The following TRPC3 variants were observed in gnomAD, a reference collection of about 807,000 sequenced individuals.
TRPC3 encodes the protein short transient receptor potential channel 3.
Under a neutral mutation model 90.9 loss-of-function variants are expected in TRPC3, and 54 were observed. The observed-to-expected ratio is 0.59, with a 90% CI of 0.48 to 0.75. The LOEUF (loss-of-function observed/expected upper bound fraction) is 0.75, where lower values mean the gene tolerates loss of function less well. Among genes scored for constraint, TRPC3 ranks in the 30% least tolerant of loss-of-function variants. The pLI is 0.00. For synonymous variants in TRPC3, 424 were observed against 450.9 expected, an observed-to-expected ratio of 0.94 and a Z score of 0.75; for missense variants, 918 against 1,194.5, an observed-to-expected ratio of 0.77 and a Z score of 3.41.
chr4:121,897,755 AG>A, intron 10 of TRPC3, among the ~76,000 whole-genome samples: 1 of 152,272 alleles, frequency 6.6e-6, no homozygotes, highest in Non-Finnish European at 1.5e-5. Flanking sequence ...GGATTTTCCA[AG>A]AACTACAAAT....
intron 1 of TRPC3, among the ~76,000 whole-genome samples, chr4:121,944,497 AAG>A (rs1469261249): frequency 6.6e-6 from 1 of 152,114 alleles, no homozygotes; most frequent in Non-Finnish European, 1.5e-5. Flanking sequence ...CTTTAAGAGA[AAG>A]AGAGAGGGAC....
chr4:121,893,526 G>A (rs1446516600), intron 10 of TRPC3, among the ~76,000 whole-genome samples: 1 of 152,060 alleles, frequency 6.6e-6, no homozygotes, highest in Non-Finnish European at 1.5e-5. Flanking sequence ...TATTTTCAGA[G>A]TCCAAAGAAG....
intron 10 of TRPC3, among the ~76,000 whole-genome samples, chr4:121,896,524 C>A (rs1489613262): frequency 6.6e-6 from 1 of 151,830 alleles, no homozygotes; most frequent in Non-Finnish European, 1.5e-5. Context: ...GAACAACAAA[C>A]TACTTGAAAA....
At chr4:121,892,125 TA>T (rs1399599746) in intron 10 of TRPC3, among the ~76,000 whole-genome samples, 18 of 152,342 alleles carry the variant, frequency 1.2e-4, no homozygotes, top group Non-Finnish European at 2.5e-4. Context: ...AAAACACGGA[TA>T]TTGATTTTCT....
intron 2 of TRPC3, among the ~76,000 whole-genome samples, chr4:121,926,577 T>C (rs143848106): frequency 0.035 from 5,271 of 152,124 alleles, 307 homozygotes; most frequent in African/African-American, 0.12. Context: ...CGGCTATCTT[T>C]TGTATTTTCA....
chr4:121,943,223 G>A (rs1730380592), intron 1 of TRPC3, among the ~76,000 whole-genome samples: 1 of 152,082 alleles, frequency 6.6e-6, no homozygotes, highest in Non-Finnish European at 1.5e-5. Flanking sequence ...AGTCACATAT[G>A]GTTATGTGTG....
rs749135592 is a variant in TRPC3 at position 121,899,704 on chromosome 4, A to G, written c.2464-9T>C. The G allele has an allele frequency of 1.3e-6, 2 of 1,589,646 alleles. No homozygotes were observed. The highest frequency in any genetic ancestry group is 1.7e-6 in the Non-Finnish European group (2 of 1,158,728). ...TGAGTGAAGAGGTTTAACTAGGAAA[A>G]AATACAATTAACCTAGTAAATTAGA... is the stretch of plus-strand genomic sequence containing the variant. On this transcript the variant is annotated splice_polypyrimidine_tract_variant and intron_variant, in intron 9 of 11. Transcript: ENST00000379645.
chr4:121,891,685 G>C (rs1401718632), intron 10 of TRPC3, among the ~76,000 whole-genome samples: 2 of 152,074 alleles, frequency 1.3e-5, no homozygotes, highest in Non-Finnish European at 2.9e-5. Flanking sequence ...ATTACCACTG[G>C]GGACAGAAAG....
chr4:121,932,355 T>C lies in TRPC3; in HGVS notation c.903A>G (p.Ser301=). 3.1e-6 allele frequency: 5 copies of C among 1,614,066 alleles called. 1 individual carries two copies. In the South Asian group the frequency reaches 4.4e-5, roughly 14 times the overall value. Residue 301 remains serine (S), a synonymous_variant, in exon 2 of 12, where the codon TCA becomes TCG. Coordinates refer to ENST00000379645, the MANE Select transcript of TRPC3 (RefSeq NM_001130698.2). This position sits in a 1 kb window ranked among gnomAD's most constrained non-coding sequence, Gnocchi z 7.7. Reference sequence around the variant, plus strand: ...TAAGCACCGGGTCCTCGCTGGACAATGAGAGGTAAGCCGGGCTGGCCAGCC... The same window carrying C: ...TAAGCACCGGGTCCTCGCTGGACAACGAGAGGTAAGCCGGGCTGGCCAGCC... ...YKGLASPAYL[S]LSSEDPVLTA...
chr4:121,927,191 C>T (rs1382196950), intron 2 of TRPC3, among the ~76,000 whole-genome samples: 1 of 152,176 alleles, frequency 6.6e-6, no homozygotes, highest in African/African-American at 2.4e-5. Context: ...TAACACATTG[C>T]TAAAAATAAT....
intron 10 of TRPC3, among the ~76,000 whole-genome samples, chr4:121,896,373 G>A (rs760346630): frequency 6.6e-6 from 1 of 152,070 alleles, no homozygotes; most frequent in Non-Finnish European, 1.5e-5. Flanking sequence ...AAGTCAAATT[G>A]TCCCTGTTTG....
chr4:121,920,528 A>C (rs991776077), intron 3 of TRPC3, among the ~76,000 whole-genome samples: 1 of 152,166 alleles, frequency 6.6e-6, no homozygotes, highest in African/African-American at 2.4e-5. Context: ...CATTTCAAAA[A>C]AAAGAAAAAA....
chr4:121,941,484 C>T (rs548157510), intron 1 of TRPC3, among the ~76,000 whole-genome samples: 3 of 152,172 alleles, frequency 2.0e-5, no homozygotes, highest in African/African-American at 7.2e-5. Context: ...GAGAAAAGCA[C>T]AGAAGTGGGG....
intron 3 of TRPC3, among the ~76,000 whole-genome samples, chr4:121,916,727 T>TC (rs1729331267): frequency 6.6e-6 from 1 of 152,022 alleles, no homozygotes; most frequent in African/African-American, 2.4e-5. Flanking sequence ...AATTTTTTTT[T>TC]TTTGAGATGG....
chr4:121,926,261 TTGTTCCGGGAG>T, intron 2 of TRPC3, among the ~76,000 whole-genome samples: 1 of 152,366 alleles, frequency 6.6e-6, no homozygotes, highest in East Asian at 1.9e-4. Flanking sequence ...GCCTTTGTTA[TTGTTCCGGGAG>T]TGTAACCCTC....
In TRPC3 at chr4:121,933,054, C is replaced by A; in HGVS notation, c.216-12G>T. ...TTCCCTCCATGGACCTAATCAGTAG[C>A]AACGATAAAACAACTGTAGAATATT... is the stretch of plus-strand genomic sequence containing the variant. On this transcript the variant is annotated splice_polypyrimidine_tract_variant and intron_variant, in intron 1 of 11. Coordinates refer to ENST00000379645, the MANE Select transcript of TRPC3 (RefSeq NM_001130698.2). 6.5e-7 allele frequency: 1 copy of A among 1,541,938 alleles called. No homozygotes were observed. Among genetic ancestry groups the A allele is most frequent in the South Asian group, 1.2e-5 (1 of 80,164 alleles).
chr4:121,894,019 G>A lies in TRPC3; in HGVS notation c.2547+5593C>T, dbSNP rs142629141. Among the ~76,000 whole-genome samples, 19 of 152,194 alleles carry A rather than the reference G, an allele frequency of 1.2e-4. No homozygotes were observed. In the East Asian group the frequency reaches 3.7e-3, roughly 29 times the overall value. ...ATGTAAGTTAGTACAAGCTCCATCA[G>A]TTTGATAATAGCTAAAAAATTAAAA... is the stretch of plus-strand genomic sequence containing the variant. On this transcript the variant is annotated intron_variant, in intron 10 of 11. Coordinates refer to ENST00000379645, the MANE Select transcript of TRPC3 (RefSeq NM_001130698.2).
In TRPC3 at chr4:121,912,030, A is replaced by G. The variant is rs1729124562; in HGVS notation, c.1405T>C (p.Phe469Leu). The change falls in exon 5 of 12, where the codon TTC becomes CTC. Residue 469 changes from phenylalanine (F) to leucine (L), a missense_variant. Phe to Leu is a conservative substitution (Grantham distance 22). Transcript: ENST00000379645. Reference protein sequence around the residue: ...FVAHAASFIIFLGLLVFNASD... With the variant: ...FVAHAASFIILLGLLVFNASD... ...GCATTGAACACAAGCAGACCCAGGA[A>G]GATGATGAAAGAAGCTGCATGTGCT... 2.5e-6 allele frequency: 4 copies of G among 1,613,814 alleles called. No individual in the cohort carries two copies. Among genetic ancestry groups the G allele is most frequent in the Non-Finnish European group, 3.4e-6 (4 of 1,179,864 alleles).
At chr4:121,926,575 T>G (rs1321259186) in intron 2 of TRPC3, among the ~76,000 whole-genome samples, 1 of 152,048 alleles carries the variant, frequency 6.6e-6, no homozygotes, top group Non-Finnish European at 1.5e-5. Flanking sequence ...CCCGGCTATC[T>G]TTTGTATTTT....
Sources: gnomAD v4.1 joint callset for allele counts (sites outside exome capture counted in the v4.1 genomes callset) on GRCh38, gnomAD v4.1.1 for gene constraint, Gnocchi (gnomAD v3.1) non-coding constraint, MANE v1.5 for transcripts, NCBI Gene and HGNC (gene_info 2026-07-23, HGNC 2026-07-21) for gene names.